MGA: variants seen among roughly 807,000 people sequenced by gnomAD.
The protein encoded by MGA is MAX gene-associated protein.
A neutral mutation model predicts 261.1 loss-of-function variants in MGA; 40 were observed. The ratio of observed to expected loss-of-function variants is 0.15; its 90% CI spans 0.12 to 0.20. The LOEUF is 0.20. MGA is among the 10% of genes least tolerant of loss of function. MGA has a pLI of 1.00. For synonymous variants in MGA, 1,302 were observed against 1,290.6 expected (o/e 1.01, Z -0.19); for missense variants, 3,397 against 3,630.5 (o/e 0.94, Z 1.65).
intron 17 of MGA, among the ~76,000 whole-genome samples, chr15:41,753,150 C>T (rs2062948283): frequency 6.6e-6 from 1 of 152,132 alleles, no homozygotes; most frequent in African/African-American, 2.4e-5. Context: ...TAGCTCTCGC[C>T]TGTAATTCCA....
At chr15:41,673,195 G>T (rs1272950969) in intron 2 of MGA, among the ~76,000 whole-genome samples, 1 of 151,678 alleles carries the variant, frequency 6.6e-6, no homozygotes, top group Non-Finnish European at 1.5e-5. Context: ...TTATGCTCTC[G>T]TAGTCCTTAG....
At chr15:41,722,163 T>G (rs933718586) in intron 9 of MGA, among the ~76,000 whole-genome samples, 7 of 138,656 alleles carry the variant, frequency 5.0e-5, no homozygotes, top group African/African-American at 8.3e-5. Flanking sequence ...GGAGTCTTGC[T>G]CTCTCGCCCA....
intron 19 of MGA, 153 bp from the exon 20 acceptor site, chr15:41,760,170 G>C (rs2063372445): frequency 1.5e-6 from 1 of 660,110 alleles, no homozygotes; most frequent in East Asian, 2.7e-5. Context: ...TTGAAGGAAG[G>C]ATAGACTGGT....
At chr15:41,704,061 C>G (rs2059988333) in intron 5 of MGA, among the ~76,000 whole-genome samples, 1 of 152,096 alleles carries the variant, frequency 6.6e-6, no homozygotes, top group Admixed American at 6.6e-5. Context: ...GGTCTGCCCG[C>G]CTTGGCCTCC....
chr15:41,656,359 T>C (rs1288849748), upstream of MGA, among the ~76,000 whole-genome samples: 5 of 131,056 alleles, frequency 3.8e-5, no homozygotes, highest in Non-Finnish European at 8.7e-5. Context: ...TCTCTCTCTC[T>C]CTCTCTCTCT....
intron 3 of MGA, among the ~76,000 whole-genome samples, chr15:41,698,171 C>CTTTTT (rs11442137): frequency 1.7e-5 from 2 of 115,976 alleles, no homozygotes; most frequent in African/African-American, 3.4e-5. Flanking sequence ...CCCCTGGCCT[C>CTTTTT]TTTTTTTTTT....
rs551840337 is a variant in MGA at position 41,767,254 on chromosome 15, G to A, written c.9172G>A (p.Ala3058Thr). The A allele has an allele frequency of 8.4e-5, 136 of 1,612,136 alleles. No homozygotes were observed. In the East Asian group the frequency reaches 3.0e-3, roughly 35 times the overall value. Residue 3058 changes from alanine to threonine, a missense_variant, in exon 24 of 24, where the codon GCC (alanine) becomes ACC (threonine). Ala to Thr is a moderately conservative substitution (Grantham distance 58). This residue lies in a region of MGA where 647 missense variants were observed against 642.4 expected (regional missense o/e 1.01). Coordinates refer to ENST00000219905, the MANE Select transcript of MGA (RefSeq NM_001164273.2). ...TGTGGCTAAATTGGGCAACTCGGGG[G>A]CCTCACCAAGTTCTGCAGGGAAATG...
chr15:41,706,326 CTTT>C (rs879582074), intron 5 of MGA, among the ~76,000 whole-genome samples: 1 of 138,728 alleles, frequency 7.2e-6, no homozygotes. Flanking sequence ...AAATAGCTGT[CTTT>C]TTTTTTTTTT....
intron 18 of MGA, among the ~76,000 whole-genome samples, chr15:41,755,043 GAAC>G: frequency 6.6e-6 from 1 of 152,172 alleles, no homozygotes; most frequent in African/African-American, 2.4e-5. Context: ...TTTACTAGTT[GAAC>G]AGGTGAGATA....
At chr15:41,732,225 T>C (rs553401647) in intron 11 of MGA, among the ~76,000 whole-genome samples, 3 of 151,728 alleles carry the variant, frequency 2.0e-5, no homozygotes, top group Non-Finnish European at 4.4e-5. Context: ...CTCAGCTCAC[T>C]GCAAGCTTCG....
chr15:41,669,450 C>T lies in MGA; in HGVS notation c.556C>T (p.Leu186=), dbSNP rs1351340322. The change falls in exon 2 of 24, where the codon CTG becomes TTG. Residue 186 remains leucine, a synonymous_variant. Coordinates refer to ENST00000219905, the MANE Select transcript of MGA (RefSeq NM_001164273.2). ...TAAACTCAAACTTACCAACAATACA[C>T]TGGACCAAGAAGGGCATATCATCTT... 2 of 1,613,952 alleles carry T rather than the reference C, an allele frequency of 1.2e-6. No individual in the cohort carries two copies. Among genetic ancestry groups the T allele is most frequent in the Non-Finnish European group, 8.5e-7 (1 of 1,179,870 alleles).
chr15:41,641,426 T>C (rs2150626670), intron 1 of MGA, among the ~76,000 whole-genome samples: 1 of 152,104 alleles, frequency 6.6e-6, no homozygotes, highest in South Asian at 2.1e-4. Context: ...CCAGAGTACC[T>C]ATACTATTTT....
chr15:41,700,278 C>T (rs2059774639), intron 5 of MGA, among the ~76,000 whole-genome samples: 1 of 151,996 alleles, frequency 6.6e-6, no homozygotes, highest in Non-Finnish European at 1.5e-5. Flanking sequence ...GATCTCCTGA[C>T]CTCATGATCT....
intron 2 of MGA, among the ~76,000 whole-genome samples, chr15:41,690,954 G>A (rs2059247600): frequency 6.7e-6 from 1 of 149,352 alleles, no homozygotes. Context: ...GGAAGTGTGA[G>A]TCCTCTGAGA....
chr15:41,722,467 T>C (rs979507634), intron 9 of MGA, among the ~76,000 whole-genome samples: 3 of 152,104 alleles, frequency 2.0e-5, no homozygotes, highest in African/African-American at 7.2e-5. Flanking sequence ...TTAGGTGTTA[T>C]ACTTTGACAT....
upstream of MGA, among the ~76,000 whole-genome samples, chr15:41,659,160 G>A (rs771557200): frequency 9.2e-5 from 14 of 152,206 alleles, no homozygotes; most frequent in Non-Finnish European, 1.8e-4. Context: ...AATGCCTTCA[G>A]AAGTCTCTAA....
chr15:41,663,592 C>T (rs1439836677), intron 1 of MGA, among the ~76,000 whole-genome samples: 1 of 151,868 alleles, frequency 6.6e-6, no homozygotes, highest in African/African-American at 2.4e-5. Context: ...GCCTCATCCT[C>T]CCGAGTAGCT....
At chr15:41,638,688 C>CTTTT (rs761492514) in intron 1 of MGA, among the ~76,000 whole-genome samples, 6 of 115,640 alleles carry the variant, frequency 5.2e-5, no homozygotes, top group Non-Finnish European at 7.2e-5. Context: ...TTTTCTTTTT[C>CTTTT]TTTTTTTTTT....
intron 2 of MGA, among the ~76,000 whole-genome samples, chr15:41,688,263 A>T (rs977176138): frequency 3.3e-5 from 5 of 152,060 alleles, no homozygotes; most frequent in East Asian, 1.9e-4. Flanking sequence ...TTTAGTAGAG[A>T]TGGGGTTTCA....
Sources: allele counts gnomAD v4.1 joint callset (sites outside exome capture counted in the v4.1 genomes callset), GRCh38; gene constraint gnomAD v4.1.1; regional missense constraint gnomAD v4.1.1; transcripts MANE v1.5; gene names NCBI Gene and HGNC (gene_info 2026-07-23, HGNC 2026-07-21).